Variants in GLI3 observed in about 807,000 individuals in gnomAD.
GLI3 encodes GLI family zinc finger 3, also known as transcription activator GLI3.
A neutral mutation model predicts 100.8 loss-of-function variants in GLI3; 20 were observed. The ratio of observed to expected loss-of-function variants is 0.20; its 90% CI spans 0.14 to 0.29. GLI3 has a LOEUF of 0.29. Ranked by LOEUF, GLI3 falls within the 10% of genes least tolerant of loss-of-function variation. The pLI is 1.00. For synonymous variants in GLI3, 938 were observed against 860.5 expected (o/e 1.09, Z -1.58); for missense variants, 2,040 against 2,128.5 (o/e 0.96, Z 0.82).
intron 1 of GLI3, among the ~76,000 whole-genome samples, chr7:42,236,615 G>C (rs1274619918): frequency 6.6e-6 from 1 of 152,234 alleles, no homozygotes; most frequent in African/African-American, 2.4e-5. Context: ...GAAGGAGCCA[G>C]GCGCGTGCGG....
rs1397706488 is a variant in GLI3, at chr7:41,972,664, A to T, written c.1813-37T>A. On this transcript the variant is annotated intron_variant, in intron 12 of 14. Coordinates refer to ENST00000395925, the MANE Select transcript of GLI3 (RefSeq NM_000168.6). This position sits in a 1 kb window ranked among gnomAD's most constrained non-coding sequence, Gnocchi z 4.4. Reference sequence around the variant, plus strand: ...CACAAGAACGAGGTAAGAGATTGTTATGAAAGAGACTATGCCCCAGCCCAA... The same window carrying T: ...CACAAGAACGAGGTAAGAGATTGTTTTGAAAGAGACTATGCCCCAGCCCAA... The T allele has an allele frequency of 6.4e-7, 1 of 1,571,792 alleles. No individual in the cohort carries two copies.
intron 3 of GLI3, among the ~76,000 whole-genome samples, chr7:42,079,952 G>T (rs767051720): frequency 1.3e-5 from 2 of 152,140 alleles, no homozygotes; most frequent in South Asian, 2.1e-4. Context: ...TAATGAAGTT[G>T]CAGTGATTAC....
chr7:42,099,731 A>C (rs576426198), intron 3 of GLI3, among the ~76,000 whole-genome samples: 1 of 152,174 alleles, frequency 6.6e-6, no homozygotes, highest in East Asian at 1.9e-4. Context: ...GAGTCTTGCT[A>C]TGTTGCCCAG....
At chr7:42,203,289 G>A (rs918108611) in intron 2 of GLI3, among the ~76,000 whole-genome samples, 1 of 152,074 alleles carries the variant, frequency 6.6e-6, no homozygotes, top group African/African-American at 2.4e-5. Context: ...ACAATGTAGG[G>A]TCATTAACTA....
At chr7:42,172,181 C>T (rs140493996) in intron 2 of GLI3, among the ~76,000 whole-genome samples, 3 of 151,954 alleles carry the variant, frequency 2.0e-5, no homozygotes, top group East Asian at 1.9e-4. Context: ...TTATCTCCTT[C>T]GTAGTTCTCT....
chr7:41,965,321 G>T lies in GLI3; in HGVS notation c.3752C>A (p.Ala1251Asp). 6.2e-7 allele frequency: 1 copy of T among 1,613,930 alleles called. No individual in the cohort carries two copies. Among genetic ancestry groups the T allele is most frequent in the Non-Finnish European group, 8.5e-7 (1 of 1,179,902 alleles). The part of the protein sequence containing the change: ...GNAFHEQPCK[A>D]PQYGNCLNRQ... ...GTTGAGACAGTTCCCATACTGCGGG[G>T]CCTTACAGGGCTGTTCATGGAAGGC... is the stretch of plus-strand genomic sequence containing the variant. The change falls in exon 15 of 15, where the codon GCC becomes GAC. Residue 1251 changes from alanine (A) to aspartate (D), a missense_variant. By Grantham distance (126) the Ala-to-Asp change is moderately radical (BLOSUM62 -2). Coordinates refer to ENST00000395925, the MANE Select transcript of GLI3 (RefSeq NM_000168.6).
chr7:42,055,139 T>G (rs1055612325), intron 4 of GLI3, among the ~76,000 whole-genome samples: 1 of 146,504 alleles, frequency 6.8e-6, no homozygotes, highest in Non-Finnish European at 1.5e-5. Context: ...ATATATGTTT[T>G]TCTTCCTTTC....
intron 4 of GLI3, among the ~76,000 whole-genome samples, chr7:42,074,029 T>C (rs1037635827): frequency 3.3e-5 from 5 of 152,176 alleles, no homozygotes; most frequent in African/African-American, 1.2e-4. Flanking sequence ...TGTCTACTTA[T>C]CATACCTCAG....
chr7:41,966,028 G>A lies in GLI3; in HGVS notation c.3045C>T (p.Gly1015=). 1 of 1,592,046 alleles carries A rather than the reference G, an allele frequency of 6.3e-7. No individual in the cohort carries two copies. The highest frequency in any genetic ancestry group is 8.5e-7 in the Non-Finnish European group (1 of 1,175,682). The change falls in exon 15 of 15, where the codon GGC becomes GGT. Residue 1015 remains glycine, a synonymous_variant. Transcript: ENST00000395925. This position sits in a 1 kb window ranked among gnomAD's most constrained non-coding sequence, Gnocchi z 5.8. The stretch of plus-strand genomic sequence containing the variant: ...AGCGCGGCACACGAGGCAGGGCCAG[G>A]CCCTCGGAGCCTGTCCGCACCGGGT... ...ASDPVRTGSE[G]LALPRVPRFS...
intron 2 of GLI3, among the ~76,000 whole-genome samples, chr7:42,187,072 G>A (rs999125962): frequency 2.6e-5 from 4 of 151,792 alleles, no homozygotes; most frequent in African/African-American, 7.3e-5. Context: ...TTAGCTGGGT[G>A]CGTTGGCACA....
At chr7:42,181,832 G>A (rs2128682300) in intron 2 of GLI3, among the ~76,000 whole-genome samples, 1 of 152,262 alleles carries the variant, frequency 6.6e-6, no homozygotes, top group South Asian at 2.1e-4. Flanking sequence ...ATACATCTTG[G>A]TAAATAACAT....
chr7:42,073,681 T>A (rs916145749), intron 4 of GLI3, among the ~76,000 whole-genome samples: 1 of 152,218 alleles, frequency 6.6e-6, no homozygotes, highest in African/African-American at 2.4e-5. Context: ...CAGAGATCTG[T>A]CGGCATTTCC....
chr7:42,245,676 G>A (rs1788963770), intron 1 of GLI3, among the ~76,000 whole-genome samples: 2 of 151,130 alleles, frequency 1.3e-5, no homozygotes, highest in Non-Finnish European at 3.0e-5. Context: ...GCAAGACTCT[G>A]TCTCAAAAAA....
intron 10 of GLI3, among the ~76,000 whole-genome samples, chr7:42,014,654 C>A (rs1170319476): frequency 6.6e-6 from 1 of 152,148 alleles, no homozygotes; most frequent in Non-Finnish European, 1.5e-5. Flanking sequence ...TGTGCCTTCA[C>A]CTTACTCATT....
At chr7:42,183,347 G>C (rs1787655209) in intron 2 of GLI3, among the ~76,000 whole-genome samples, 1 of 152,216 alleles carries the variant, frequency 6.6e-6, no homozygotes, top group Non-Finnish European at 1.5e-5. Flanking sequence ...AACAGCACAA[G>C]GACAGGTGGC....
chr7:42,173,652 C>T (rs922429597), intron 2 of GLI3, among the ~76,000 whole-genome samples: 1 of 152,224 alleles, frequency 6.6e-6, no homozygotes, highest in East Asian at 1.9e-4. Flanking sequence ...GCACAAAAGA[C>T]TTTCAGAACC....
intron 2 of GLI3, among the ~76,000 whole-genome samples, chr7:42,210,474 C>G (rs1377284469): frequency 6.6e-6 from 1 of 151,792 alleles, no homozygotes; most frequent in Admixed American, 6.6e-5. Context: ...TTCTCCCCAC[C>G]ACCAACCTCC....
intron 1 of GLI3, among the ~76,000 whole-genome samples, chr7:42,228,473 C>T (rs977343096): frequency 6.6e-6 from 1 of 152,200 alleles, no homozygotes; most frequent in Non-Finnish European, 1.5e-5. Flanking sequence ...TGTATCAAGG[C>T]GTATCAGAGT....
At chr7:42,118,699 C>T (rs946024851) in intron 3 of GLI3, among the ~76,000 whole-genome samples, 2 of 152,176 alleles carry the variant, frequency 1.3e-5, no homozygotes, top group East Asian at 1.9e-4. Context: ...TACACCACTT[C>T]CGCTGCAGCC....
Sources: allele counts gnomAD v4.1 joint callset (sites outside exome capture counted in the v4.1 genomes callset), GRCh38; gene constraint gnomAD v4.1.1; non-coding constraint Gnocchi (gnomAD v3.1); transcripts MANE v1.5; gene names NCBI Gene and HGNC (gene_info 2026-07-23, HGNC 2026-07-21).